The following PTPN12 variants were observed in gnomAD, a reference collection of about 807,000 sequenced individuals.
PTPN12 encodes tyrosine-protein phosphatase non-receptor type 12.
In PTPN12, 29 loss-of-function variants were observed where a neutral mutation model predicts 97.6. That is an observed-to-expected ratio of 0.30 (90% CI 0.22 to 0.41). PTPN12 has a LOEUF of 0.41. PTPN12 is among the 10% of genes least tolerant of loss of function. The pLI is 1.00. For synonymous variants in PTPN12, 327 were observed against 300.4 expected (o/e 1.09, Z -0.91); for missense variants, 819 against 926.0 (o/e 0.88, Z 1.50).
At chr7:77,599,251 C>T (rs1052443898) in intron 7 of PTPN12, among the ~76,000 whole-genome samples, 3 of 150,928 alleles carry the variant, frequency 2.0e-5, no homozygotes, top group Admixed American at 6.6e-5. Flanking sequence ...AGAAAAGTCA[C>T]TATCAAAGCT....
intron 12 of PTPN12, among the ~76,000 whole-genome samples, chr7:77,621,627 C>T (rs904753817): frequency 6.6e-6 from 1 of 152,068 alleles, no homozygotes; most frequent in Non-Finnish European, 1.5e-5. Context: ...CAAGATTGCA[C>T]CACTGGACTC....
chr7:77,626,202 A>G (rs1479849231), intron 12 of PTPN12, among the ~76,000 whole-genome samples: 2 of 152,252 alleles, frequency 1.3e-5, no homozygotes, highest in African/African-American at 4.8e-5. Context: ...GGCAGTCATT[A>G]GGGGAAAACA....
chr7:77,581,885 G>A (rs1023545611), intron 3 of PTPN12, among the ~76,000 whole-genome samples: 1 of 151,926 alleles, frequency 6.6e-6, no homozygotes, highest in Non-Finnish European at 1.5e-5. Flanking sequence ...AAACATCTTT[G>A]TTGTTTTGAA....
chr7:77,627,015 G>A lies in PTPN12; in HGVS notation c.1336G>A (p.Gly446Arg). The A allele has an allele frequency of 6.2e-7, 1 of 1,607,366 alleles. No homozygotes were observed. Among genetic ancestry groups the A allele is most frequent in the Non-Finnish European group, 8.5e-7 (1 of 1,177,912 alleles). Residue 446 changes from glycine to arginine, a missense_variant, in exon 13 of 18, where the codon GGA (glycine) becomes AGA (arginine). Gly to Arg is a moderately radical substitution (Grantham distance 125). Around this residue, in one of 5 missense-constraint regions of PTPN12, gnomAD observed 607 missense variants for 577.3 expected, o/e 1.05. Coordinates refer to ENST00000248594, the MANE Select transcript of PTPN12 (RefSeq NM_002835.4). ...GATTAAGAAGGTCCCTCTCCAAGAG[G>A]GACCAAAAAGTTTTGATGGGAACAC... ...FEIKKVPLQE[G>R]PKSFDGNTLL...
At chr7:77,598,582 C>T (rs1584168092) in intron 7 of PTPN12, among the ~76,000 whole-genome samples, 1 of 151,950 alleles carries the variant, frequency 6.6e-6, no homozygotes, top group Non-Finnish European at 1.5e-5. Context: ...ACTCAGGAGG[C>T]TGAGGCACTT....
intron 12 of PTPN12, among the ~76,000 whole-genome samples, chr7:77,625,991 C>T (rs1789166770): frequency 5.3e-5 from 8 of 152,248 alleles, no homozygotes; most frequent in Admixed American, 5.2e-4. Flanking sequence ...CCAGAGAGAA[C>T]ATTAGCTCTG....
chr7:77,616,806 G>T (rs28521221), intron 11 of PTPN12, among the ~76,000 whole-genome samples: 3 of 151,292 alleles, frequency 2.0e-5, no homozygotes, highest in Admixed American at 6.6e-5. Context: ...TTTTTGAGAC[G>T]GAGTCTTGCT....
Position 77,555,832 on chromosome 7 carries a change from G to A in PTPN12, c.100-15246G>A, listed in dbSNP as rs563900554. ...GGGGAGGCTGAGGCAGGAGAATGTC[G>A]TGAACCCAGGAGGCGGAGCTTGCAG... On this transcript the variant is annotated intron_variant, in intron 1 of 17. Transcript: ENST00000248594. Among the ~76,000 whole-genome samples, 143 of 151,836 alleles carry A rather than the reference G, an allele frequency of 9.4e-4. 1 individual carries two copies. Among genetic ancestry groups the A allele is most frequent in the African/African-American group, 3.4e-3 (140 of 41,408 alleles).
At chr7:77,598,544 A>G (rs956832223) in intron 7 of PTPN12, among the ~76,000 whole-genome samples, 2 of 152,088 alleles carry the variant, frequency 1.3e-5, no homozygotes, top group African/African-American at 2.4e-5. Flanking sequence ...TTAGCTGGGC[A>G]TGGTGGTGCA....
At chr7:77,598,223 A>G (rs766894089) in intron 7 of PTPN12, among the ~76,000 whole-genome samples, 307 of 151,206 alleles carry the variant, frequency 2.0e-3, no homozygotes, top group Non-Finnish European at 3.6e-3. Flanking sequence ...TTTTGAGAAT[A>G]GAGAATAGTT....
At chr7:77,634,742 AT>A (rs1184779125) in intron 14 of PTPN12, among the ~76,000 whole-genome samples, 3 of 142,376 alleles carry the variant, frequency 2.1e-5, no homozygotes, top group Non-Finnish European at 4.6e-5. Context: ...CGCCCGGCTA[AT>A]TTTTTTGTAT....
Position 77,581,452 on chromosome 7 carries a change from A to G in PTPN12, c.234A>G (p.Thr78=), listed in dbSNP as rs1164968281. The G allele has an allele frequency of 6.2e-7, 1 of 1,608,830 alleles. No homozygotes were observed. The highest frequency in any genetic ancestry group is 8.5e-7 in the Non-Finnish European group (1 of 1,176,806). Residue 78 remains threonine, a synonymous_variant, in exon 3 of 18, where the codon ACA becomes ACG. Coordinates refer to ENST00000248594, the MANE Select transcript of PTPN12 (RefSeq NM_002835.4). ...LPFDHSRVKL[T]LKTPSQDSDY... ...TTGATCACAGCCGAGTTAAATTGAC[A>G]TTAAAGACTCCTTCACAAGATTCAG...
intron 11 of PTPN12, among the ~76,000 whole-genome samples, chr7:77,613,770 G>GTTT (rs1354996500): frequency 6.6e-6 from 1 of 151,812 alleles, no homozygotes; most frequent in Non-Finnish European, 1.5e-5. Context: ...TAGAGATGAG[G>GTTT]TTTTACTGTG....
intron 12 of PTPN12, among the ~76,000 whole-genome samples, chr7:77,624,281 G>C (rs1584209130): frequency 6.6e-6 from 1 of 150,774 alleles, no homozygotes; most frequent in East Asian, 2.0e-4. Context: ...AAAAAAAAAA[G>C]AATCTACTTG....
chr7:77,609,880 C>CAAA (rs377678673), intron 9 of PTPN12, among the ~76,000 whole-genome samples: 5 of 112,884 alleles, frequency 4.4e-5, no homozygotes, highest in Non-Finnish European at 9.0e-5. Context: ...GACTCCGTCT[C>CAAA]AAAAAAAAAA....
Position 77,582,133 on chromosome 7 carries a change from C to T in PTPN12, c.285+630C>T, listed in dbSNP as rs1787541180. ...TTTTTGAGACGGAGTCTCGCTCTGT[C>T]TCCCAGTCTGGAGTGCAGTGGCGCT... On this transcript the variant is annotated intron_variant, in intron 3 of 17. Transcript: ENST00000248594. 1.8e-5 allele frequency among the ~76,000 whole-genome samples: 2 copies of T among 109,852 alleles called. 1 individual carries two copies. The highest frequency in any genetic ancestry group is 6.2e-4 in the South Asian group (2 of 3,252). The allele number at this position is 109,852 out of a possible 152,430, so 72.1% of individuals were successfully genotyped here. A position where few individuals can be genotyped will look rare whatever the true frequency, so the allele number is the denominator to read the frequency against.
chr7:77,596,998 A>G (rs542529258), intron 6 of PTPN12, among the ~76,000 whole-genome samples: 18 of 109,370 alleles, frequency 1.6e-4, no homozygotes, highest in Non-Finnish European at 2.7e-4. Flanking sequence ...GAATAGTGTC[A>G]TTGCTCTAAA....
chr7:77,594,028 A>G (rs929382453), intron 6 of PTPN12, among the ~76,000 whole-genome samples: 10 of 152,198 alleles, frequency 6.6e-5, no homozygotes, highest in Non-Finnish European at 1.2e-4. Flanking sequence ...ACAGGACTGT[A>G]TCTGTATTAT....
intron 5 of PTPN12, among the ~76,000 whole-genome samples, chr7:77,586,468 C>T (rs1331185222): frequency 6.6e-6 from 1 of 151,958 alleles, no homozygotes; most frequent in East Asian, 1.9e-4. Flanking sequence ...ATTTGAATCC[C>T]AGCACTTTGG....
Sources: gnomAD v4.1 joint callset for allele counts (sites outside exome capture counted in the v4.1 genomes callset) on GRCh38, gnomAD v4.1.1 for gene constraint, gnomAD v4.1.1 regional missense constraint, MANE v1.5 for transcripts, NCBI Gene and HGNC (gene_info 2026-07-23, HGNC 2026-07-21) for gene names.